Variants in SLC13A1 observed in about 807,000 individuals in gnomAD.
SLC13A1 encodes Na(+)/sulfate cotransporter.
SLC13A1 carries 65 observed loss-of-function variants against 70.0 expected under a neutral mutation model. That is an observed-to-expected ratio of 0.93 (90% CI 0.76 to 1.14). The LOEUF is 1.14. SLC13A1 is among the 50% of genes most tolerant of loss of function. The pLI is 0.00. For missense variants in SLC13A1, 726 were observed against 717.8 expected, an observed-to-expected ratio of 1.01 and a Z score of -0.13; for synonymous variants, 275 against 250.5, an observed-to-expected ratio of 1.10 and a Z score of -0.92.
rs1488347475 is a variant in SLC13A1 at position 123,113,910 on chromosome 7, A to G, written c.*1608T>C. On this transcript the variant is annotated 3_prime_UTR_variant, in exon 15 of 15. Coordinates refer to ENST00000194130, the MANE Select transcript of SLC13A1 (RefSeq NM_022444.4). ...CAAGAATAAGTTTGTAAATAATCTTATTTGAATAAAAAATGACAAGGTCAG... is the reference window on the plus strand; with the variant it reads ...CAAGAATAAGTTTGTAAATAATCTTGTTTGAATAAAAAATGACAAGGTCAG... 1 of 152,014 alleles carries G rather than the reference A, an allele frequency of 6.6e-6. No homozygotes were observed. Among genetic ancestry groups the G allele is most frequent in the African/African-American group, 2.4e-5 (1 of 41,420 alleles). The allele number at this position is 152,014 out of a possible 1,614,324, so 9.4% of individuals were successfully genotyped here. A position where few individuals can be genotyped will look rare whatever the true frequency, so the allele number is the denominator to read the frequency against.
intron 13 of SLC13A1, among the ~76,000 whole-genome samples, 191 bp from the exon 14 acceptor site, chr7:123,117,799 G>A (rs1793234058): frequency 6.6e-6 from 1 of 151,798 alleles, no homozygotes; most frequent in Admixed American, 6.6e-5. Context: ...TGTTGATACA[G>A]TTACAGATGC....
intron 2 of SLC13A1, among the ~76,000 whole-genome samples, chr7:123,179,106 C>T (rs576851035): frequency 6.6e-6 from 1 of 151,870 alleles, no homozygotes; most frequent in East Asian, 1.9e-4. Context: ...GGTCTGGAAA[C>T]CACTAAGGCT....
rs1229867294 is a variant in SLC13A1, at chr7:123,181,003, T to A, written c.198A>T (p.Leu66Phe). 6.2e-7 allele frequency: 1 copy of A among 1,612,404 alleles called. No homozygotes were observed. The highest frequency in any genetic ancestry group is 1.7e-5 in the Admixed American group (1 of 59,810). Reference protein sequence around the residue: ...SVTALLPSLMLPMFGIMPSKK... With the variant: ...SVTALLPSLMFPMFGIMPSKK... ...TAGAAGGCATGATCCCAAACATGGG[T>A]AACATTAAACTAGGTAGCAAAGCTG... Residue 66 changes from leucine (L) to phenylalanine (F), a missense_variant, in exon 2 of 15, where the codon TTA (leucine) becomes TTT (phenylalanine). By Grantham distance (22) the Leu-to-Phe change is conservative. Coordinates refer to ENST00000194130, the MANE Select transcript of SLC13A1 (RefSeq NM_022444.4).
intron 1 of SLC13A1, among the ~76,000 whole-genome samples, chr7:123,191,945 T>G (rs1337276571): frequency 2.0e-5 from 3 of 152,212 alleles, no homozygotes; most frequent in Non-Finnish European, 4.4e-5. Flanking sequence ...CTTTCTGTTC[T>G]TTCTAATATT....
intron 8 of SLC13A1, among the ~76,000 whole-genome samples, chr7:123,133,843 T>C (rs1793854001): frequency 6.6e-6 from 1 of 151,846 alleles, no homozygotes; most frequent in South Asian, 2.1e-4. Context: ...ATCTTTATTT[T>C]TATTCATTTT....
chr7:123,185,751 TCTAA>T (rs1336565332), intron 1 of SLC13A1, among the ~76,000 whole-genome samples: 9 of 152,066 alleles, frequency 5.9e-5, no homozygotes, highest in Admixed American at 3.3e-4. Flanking sequence ...TCAAGATTGC[TCTAA>T]CTATTTGGGG....
intron 1 of SLC13A1, among the ~76,000 whole-genome samples, chr7:123,194,395 T>C (rs1414891855): frequency 6.6e-6 from 1 of 152,112 alleles, no homozygotes; most frequent in Non-Finnish European, 1.5e-5. Flanking sequence ...GGGAGATAGA[T>C]ACTGGGGACT....
At chr7:123,151,686 G>T (rs1794560989) in intron 6 of SLC13A1, among the ~76,000 whole-genome samples, 1 of 152,076 alleles carries the variant, frequency 6.6e-6, no homozygotes, top group Non-Finnish European at 1.5e-5. Context: ...TAAGTGAATT[G>T]TTCGAGGTCC....
At chr7:123,138,361 C>T (rs1248946155) in intron 7 of SLC13A1, among the ~76,000 whole-genome samples, 1 of 152,162 alleles carries the variant, frequency 6.6e-6, no homozygotes, top group Non-Finnish European at 1.5e-5. Context: ...TTAATATACA[C>T]AGCATTGCAA....
intron 6 of SLC13A1, among the ~76,000 whole-genome samples, chr7:123,161,693 T>C (rs1277290031): frequency 6.6e-6 from 1 of 152,164 alleles, no homozygotes; most frequent in African/African-American, 2.4e-5. Flanking sequence ...TCTATCTTGT[T>C]GAAATTGTTG....
intron 6 of SLC13A1, chr7:123,148,632 G>T: frequency 3.0e-6 from 1 of 330,826 alleles, no homozygotes; most frequent in Non-Finnish European, 5.9e-6. Context: ...TTAATGAATG[G>T]TTTTTCAGTT....
intron 1 of SLC13A1, among the ~76,000 whole-genome samples, chr7:123,196,413 GAC>G (rs1796184039): frequency 6.6e-6 from 1 of 152,108 alleles, no homozygotes; most frequent in Non-Finnish European, 1.5e-5. Context: ...AAGCTATAAA[GAC>G]ACAGATACTC....
At chr7:123,192,748 G>C (rs1339670112) in intron 1 of SLC13A1, among the ~76,000 whole-genome samples, 1 of 152,164 alleles carries the variant, frequency 6.6e-6, no homozygotes, top group African/African-American at 2.4e-5. Context: ...GGCTTTGTAT[G>C]GTTCTTGGTA....
intron 1 of SLC13A1, chr7:123,190,319 G>A: frequency 3.0e-6 from 1 of 335,768 alleles, no homozygotes; most frequent in South Asian, 2.4e-5. Flanking sequence ...GATGCAGACT[G>A]GCTTGGGGAT....
chr7:123,170,072 G>C (rs1340239663), intron 3 of SLC13A1, among the ~76,000 whole-genome samples: 1 of 152,024 alleles, frequency 6.6e-6, no homozygotes, highest in Non-Finnish European at 1.5e-5. Context: ...AAAATTTTAA[G>C]CCATATCTAT....
At chr7:123,149,432 C>T (rs769909216) in intron 6 of SLC13A1, 43 of 455,284 alleles carry the variant, frequency 9.4e-5, no homozygotes, top group African/African-American at 6.6e-4. Context: ...AGTTTCTTAA[C>T]GTCTATCTCA....
intron 7 of SLC13A1, among the ~76,000 whole-genome samples, chr7:123,136,911 T>C (rs952695357): frequency 1.3e-5 from 2 of 152,082 alleles, no homozygotes; most frequent in African/African-American, 4.8e-5. Context: ...AATTACAAAG[T>C]CCTTGAGTTA....
chr7:123,178,882 C>A (rs1176319123), intron 2 of SLC13A1, among the ~76,000 whole-genome samples: 1 of 152,144 alleles, frequency 6.6e-6, no homozygotes, highest in East Asian at 1.9e-4. Flanking sequence ...TTACAACACT[C>A]AGAATGTTTC....
chr7:123,161,325 A>C (rs1310052020), intron 6 of SLC13A1, among the ~76,000 whole-genome samples: 1 of 151,726 alleles, frequency 6.6e-6, no homozygotes, highest in Non-Finnish European at 1.5e-5. Flanking sequence ...AAAATGTTAG[A>C]AATAAAGACA....
Sources: gnomAD v4.1 joint callset for allele counts (sites outside exome capture counted in the v4.1 genomes callset) on GRCh38, gnomAD v4.1.1 for gene constraint, MANE v1.5 for transcripts, NCBI Gene and HGNC (gene_info 2026-07-23, HGNC 2026-07-21) for gene names.